Variants in UBE2E2 observed in about 807,000 individuals in gnomAD.
The protein encoded by UBE2E2 is ubiquitin-conjugating enzyme E2 E2.
In UBE2E2, 6 loss-of-function variants were observed where a neutral mutation model predicts 24.7. The observed-to-expected ratio is 0.24, with a 90% CI of 0.13 to 0.48. The LOEUF (loss-of-function observed/expected upper bound fraction) is 0.48. Among genes scored for constraint, UBE2E2 ranks in the 20% least tolerant of loss-of-function variants. UBE2E2 has a pLI of 0.99. For missense variants in UBE2E2, 169 were observed against 245.0 expected (o/e 0.69, Z 2.07); for synonymous variants, 104 against 83.6 (o/e 1.24, Z -1.33).
intron 3 of UBE2E2, among the ~76,000 whole-genome samples, chr3:23,281,047 A>G (rs1444736795): frequency 2.0e-5 from 3 of 152,208 alleles, no homozygotes; most frequent in Admixed American, 6.5e-5. Context: ...CTTTTATAAT[A>G]GCACTAATCC....
intron 3 of UBE2E2, among the ~76,000 whole-genome samples, chr3:23,456,743 A>G (rs762147900): frequency 7.2e-5 from 11 of 152,220 alleles, no homozygotes; most frequent in Admixed American, 1.3e-4. Flanking sequence ...TTGATTTAGC[A>G]TAATTATTTA....
intron 4 of UBE2E2, among the ~76,000 whole-genome samples, chr3:23,502,538 G>C (rs1005083533): frequency 6.6e-6 from 1 of 152,120 alleles, no homozygotes; most frequent in African/African-American, 2.4e-5. Flanking sequence ...GGAATGATTC[G>C]AGATGCCCCT....
In UBE2E2 at chr3:23,261,834, T is replaced by C. The variant is rs182282736; in HGVS notation, c.227+44522T>C. ...AATGGGTGAATAATATTCCATTTTA[T>C]TGATATATACACACACTGAATTTTC... On this transcript the variant is annotated intron_variant, in intron 3 of 5. Transcript: ENST00000396703. Among the ~76,000 whole-genome samples the C allele has an allele frequency of 6.3e-4, 96 of 152,354 alleles. 1 individual carries two copies. The highest frequency in any genetic ancestry group is 6.2e-3 in the South Asian group (30 of 4,824).
At chr3:23,588,112 A>C (rs1388480893) in intron 5 of UBE2E2, among the ~76,000 whole-genome samples, 1 of 152,176 alleles carries the variant, frequency 6.6e-6, no homozygotes, top group African/African-American at 2.4e-5. Flanking sequence ...TTACAAGGTT[A>C]GTCTCAGGAT....
intron 3 of UBE2E2, among the ~76,000 whole-genome samples, chr3:23,402,689 A>C (rs996950972): frequency 7.2e-5 from 11 of 152,238 alleles, no homozygotes; most frequent in African/African-American, 1.9e-4. Flanking sequence ...TCAGGGTTAC[A>C]ATACAATAAA....
chr3:23,424,349 A>T (rs1320871519), intron 3 of UBE2E2, among the ~76,000 whole-genome samples: 1 of 152,170 alleles, frequency 6.6e-6, no homozygotes, highest in Non-Finnish European at 1.5e-5. Context: ...TCAGTAACTA[A>T]AGAAGCAGCT....
intron 3 of UBE2E2, among the ~76,000 whole-genome samples, chr3:23,327,752 G>T (rs1401466422): frequency 6.6e-6 from 1 of 152,150 alleles, no homozygotes; most frequent in Non-Finnish European, 1.5e-5. Context: ...CATTTTGCAG[G>T]TCTGAAAAAA....
At chr3:23,235,804 A>G (rs1697088570) in intron 3 of UBE2E2, among the ~76,000 whole-genome samples, 1 of 151,942 alleles carries the variant, frequency 6.6e-6, no homozygotes, top group African/African-American at 2.4e-5. Flanking sequence ...GATGGGGAAG[A>G]TTTCTGGGAG....
intron 5 of UBE2E2, among the ~76,000 whole-genome samples, chr3:23,555,620 A>G (rs1434546287): frequency 7.2e-5 from 11 of 152,224 alleles, no homozygotes; most frequent in African/African-American, 2.7e-4. Flanking sequence ...CTAGGTGTCC[A>G]TCAGTGGACA....
intron 5 of UBE2E2, among the ~76,000 whole-genome samples, chr3:23,577,338 A>C (rs577092277): frequency 6.6e-6 from 1 of 152,220 alleles, no homozygotes; most frequent in East Asian, 1.9e-4. Context: ...TTTAAAAAAA[A>C]AAAAAAGCAA....
chr3:23,311,580 T>C (rs1284223457), intron 3 of UBE2E2, among the ~76,000 whole-genome samples: 1 of 152,164 alleles, frequency 6.6e-6, no homozygotes, highest in Non-Finnish European at 1.5e-5. Context: ...CTTGGTCAGT[T>C]GCTTACATTC....
At chr3:23,277,596 T>TG (rs1489683076) in intron 3 of UBE2E2, among the ~76,000 whole-genome samples, 4 of 152,088 alleles carry the variant, frequency 2.6e-5, no homozygotes, top group Non-Finnish European at 4.4e-5. Context: ...AACGTAATCA[T>TG]GAAAAGTTAA....
intron 3 of UBE2E2, among the ~76,000 whole-genome samples, chr3:23,304,636 G>A (rs1160059214): frequency 6.6e-6 from 1 of 152,040 alleles, no homozygotes; most frequent in African/African-American, 2.4e-5. Flanking sequence ...TATGTAATTG[G>A]AAAAAGAATG....
intron 4 of UBE2E2, among the ~76,000 whole-genome samples, chr3:23,502,288 T>C (rs1409848079): frequency 6.6e-6 from 1 of 151,512 alleles, no homozygotes; most frequent in Non-Finnish European, 1.5e-5. Flanking sequence ...CATTTCCCAA[T>C]ACTCTGAAGA....
intron 3 of UBE2E2, chr3:23,273,719 A>G (rs184561074): frequency 6.6e-6 from 1 of 152,348 alleles, no homozygotes; most frequent in African/African-American, 2.4e-5. Flanking sequence ...AGAACTTGTA[A>G]ATTGCTGAAT....
chr3:23,389,191 A>G (rs968872422), intron 3 of UBE2E2, among the ~76,000 whole-genome samples: 1 of 152,168 alleles, frequency 6.6e-6, no homozygotes, highest in Non-Finnish European at 1.5e-5. Flanking sequence ...TAAAAAGAGT[A>G]TCACTTACTA....
chr3:23,278,547 G>T (rs1213839582), intron 3 of UBE2E2, among the ~76,000 whole-genome samples: 1 of 152,060 alleles, frequency 6.6e-6, no homozygotes, highest in Non-Finnish European at 1.5e-5. Flanking sequence ...TGCCAGCAAG[G>T]AGGTGCTTAT....
At chr3:23,451,128 G>A (rs765838035) in intron 3 of UBE2E2, among the ~76,000 whole-genome samples, 8 of 152,132 alleles carry the variant, frequency 5.3e-5, no homozygotes, top group South Asian at 2.1e-4. Flanking sequence ...AACTGGGCAC[G>A]GTGGTGCACA....
At chr3:23,257,522 C>A (rs1261892017) in intron 3 of UBE2E2, among the ~76,000 whole-genome samples, 1 of 66,358 alleles carries the variant, frequency 1.5e-5, no homozygotes, top group South Asian at 7.6e-4. Context: ...GCCCCCCCCC[C>A]CCCCCCACTT....
Sources: allele counts gnomAD v4.1 joint callset (sites outside exome capture counted in the v4.1 genomes callset), GRCh38; gene constraint gnomAD v4.1.1; transcripts MANE v1.5; gene names NCBI Gene and HGNC (gene_info 2026-07-23, HGNC 2026-07-21).